The following RIC1 variants were observed in gnomAD, a reference collection of about 807,000 sequenced individuals.
RIC1 encodes guanine nucleotide exchange factor subunit RIC1.
In RIC1, 88 loss-of-function variants were observed where a neutral mutation model predicts 169.0. The ratio of observed to expected loss-of-function variants is 0.52; its 90% CI spans 0.44 to 0.62. The LOEUF (loss-of-function observed/expected upper bound fraction) is 0.62. Ranked by LOEUF, RIC1 falls within the 20% of genes least tolerant of loss-of-function variation. The probability of loss-of-function intolerance (pLI) is 0.00; values close to 1 mark genes in which losing one functional copy is unlikely to be tolerated. For missense variants in RIC1, 1,877 were observed against 1,725.5 expected (o/e 1.09, Z -1.56); for synonymous variants, 790 against 601.5 (o/e 1.31, Z -4.59).
chr9:5,739,861 A>AC, intron 8 of RIC1, among the ~76,000 whole-genome samples: 1 of 152,048 alleles, frequency 6.6e-6, no homozygotes, highest in East Asian at 1.9e-4. Context: ...GCAGGGTCCC[A>AC]TTTTTTTCCA....
intron 16 of RIC1, among the ~76,000 whole-genome samples, chr9:5,756,824 G>C (rs1300537824): frequency 6.6e-6 from 1 of 152,208 alleles, no homozygotes; most frequent in Non-Finnish European, 1.5e-5. Flanking sequence ...CAGTGTTGTT[G>C]CTGCTGCACG....
chr9:5,633,979 G>A (rs1400596092), intron 1 of RIC1, among the ~76,000 whole-genome samples: 3 of 152,038 alleles, frequency 2.0e-5, no homozygotes, highest in South Asian at 2.1e-4. Context: ...CCATATATGA[G>A]ATCATGAAGT....
chr9:5,701,424 C>A (rs1460252894), intron 3 of RIC1, among the ~76,000 whole-genome samples: 1 of 151,934 alleles, frequency 6.6e-6, no homozygotes, highest in African/African-American at 2.4e-5. Flanking sequence ...CCAGCCTGAC[C>A]AACATAGCAG....
chr9:5,744,911 T>G (rs1410863062), intron 10 of RIC1, among the ~76,000 whole-genome samples: 2 of 152,140 alleles, frequency 1.3e-5, no homozygotes, highest in Non-Finnish European at 2.9e-5. Flanking sequence ...TTGTCGCTTC[T>G]CTTCTCTCTT....
chr9:5,638,591 C>G (rs1818086706), intron 1 of RIC1, among the ~76,000 whole-genome samples: 1 of 152,150 alleles, frequency 6.6e-6, no homozygotes, highest in South Asian at 2.1e-4. Context: ...AGGGATTTAT[C>G]CATTTCCTCT....
Position 5,637,692 on chromosome 9 carries a change from A to G in RIC1, c.144+8239A>G, listed in dbSNP as rs564546016. ...ATTGTTTTGATTTGTAGATCCCACA[A>G]ATAAGTGAGAACATGCGATGTTTGT... is the stretch of plus-strand genomic sequence containing the variant. On this transcript the variant is annotated intron_variant, in intron 1 of 25. Coordinates refer to ENST00000414202, the MANE Select transcript of RIC1 (RefSeq NM_020829.4). Among the ~76,000 whole-genome samples the G allele has an allele frequency of 3.3e-5, 5 of 152,320 alleles. No individual in the cohort carries two copies. In the East Asian group the frequency reaches 7.7e-4, roughly 24 times the overall value.
chr9:5,724,956 TG>T (rs1194647242), intron 6 of RIC1, among the ~76,000 whole-genome samples: 1 of 152,232 alleles, frequency 6.6e-6, no homozygotes, highest in African/African-American at 2.4e-5. Flanking sequence ...GGATTCGGTT[TG>T]CCAGTATTTT....
intron 3 of RIC1, among the ~76,000 whole-genome samples, chr9:5,708,190 T>C (rs1822710399): frequency 6.6e-6 from 1 of 152,150 alleles, no homozygotes; most frequent in African/African-American, 2.4e-5. Flanking sequence ...CATCTCCCTC[T>C]CTCCCTTTTT....
rs1426435477 is a variant in RIC1 at position 5,753,555 on chromosome 9, T to C, written c.1511T>C (p.Leu504Pro). ...AAACAGTTTTCAGCTATTGATAAGC[T>C]TGGACAGAATATTGCTGTGGTTGGC... ...WPIRFSAIDK[L>P]GQNIAVVGKF... The change falls in exon 14 of 26, where the codon CTT (leucine) becomes CCT (proline). Residue 504 changes from leucine to proline, a missense_variant. Leu to Pro is a moderately conservative substitution (Grantham distance 98). Transcript: ENST00000414202. 1.9e-6 allele frequency: 3 copies of C among 1,606,854 alleles called. No individual in the cohort carries two copies. In the Admixed American group the frequency reaches 5.1e-5, roughly 27 times the overall value.
At chr9:5,646,580 C>A (rs1818525994) in intron 1 of RIC1, among the ~76,000 whole-genome samples, 1 of 152,078 alleles carries the variant, frequency 6.6e-6, no homozygotes, top group African/African-American at 2.4e-5. Flanking sequence ...AGGCTTGTAT[C>A]CTAGGAGCAA....
rs1827524804 is a variant in RIC1, at chr9:5,775,366, A to G, written c.*1120A>G. ...TGACTTAAATTTGTTTTCATACATT[A>G]TGAAAACAACTGCATACTCCTTAAT... On this transcript the variant is annotated 3_prime_UTR_variant, in exon 26 of 26. Transcript: ENST00000414202. 6.6e-6 allele frequency: 1 copy of G among 152,214 alleles called. No homozygotes were observed. The highest frequency in any genetic ancestry group is 6.5e-5 in the Admixed American group (1 of 15,280). 9.4% of individuals were successfully genotyped at this position (152,214 alleles called of 1,614,324 possible).
chr9:5,769,281 T>C (rs1435032565), intron 22 of RIC1, 25 bp downstream of exon 22: 1 of 1,613,996 alleles, frequency 6.2e-7, no homozygotes, highest in Admixed American at 1.7e-5. Flanking sequence ...ATGTCACTTG[T>C]ACAAGGAGAA....
chr9:5,747,604 A>G, intron 12 of RIC1, 99 bp downstream of exon 12: 1 of 1,082,050 alleles, frequency 9.2e-7, no homozygotes, highest in Non-Finnish European at 1.4e-6. Context: ...CAGGCAACTG[A>G]GAATCCTTTT....
Position 5,724,728 on chromosome 9 carries a change from C to A in RIC1, c.720+3978C>A, listed in dbSNP as rs146568619. Among the ~76,000 whole-genome samples, 42 of 152,230 alleles carry A rather than the reference C, an allele frequency of 2.8e-4. No homozygotes were observed. In the East Asian group the frequency reaches 7.7e-3, roughly 28 times the overall value. On this transcript the variant is annotated intron_variant, in intron 6 of 25. Transcript: ENST00000414202. ...TAGCTCTTATTATTTTGAGATACGT[C>A]CCATCAATACCTAGTTTATTGAGAC...
intron 1 of RIC1, among the ~76,000 whole-genome samples, chr9:5,656,098 C>T (rs1331788725): frequency 2.6e-5 from 4 of 151,788 alleles, no homozygotes; most frequent in Non-Finnish European, 5.9e-5. Context: ...TCTCCATCTC[C>T]TAACCTTGTG....
chr9:5,720,744 T>A lies in RIC1; in HGVS notation c.714T>A (p.Thr238=). Residue 238 remains threonine, a synonymous_variant, in exon 6 of 26, where the codon ACT becomes ACA. Transcript: ENST00000414202. The part of the protein sequence containing the change: ...GFITPVSSRF[T]AEQLHGVWPQ... ...TTACACCAGTGTCAAGTAGATTTAC[T>A]GCAGAGGTATGACTTATTTACTTTG... 6.2e-7 allele frequency: 1 copy of A among 1,604,406 alleles called. No homozygotes were observed. Among genetic ancestry groups the A allele is most frequent in the Admixed American group, 1.7e-5 (1 of 57,632 alleles).
chr9:5,747,609 C>A (rs937969837), intron 12 of RIC1, 104 bp downstream of exon 12: 2 of 1,012,786 alleles, frequency 2.0e-6, no homozygotes, highest in Admixed American at 2.1e-5. Context: ...AACTGAGAAT[C>A]CTTTTAACCA....
In RIC1 at chr9:5,776,219, T is replaced by C. The variant is rs1827575184; in HGVS notation, c.*1973T>C. 6.6e-6 allele frequency: 1 copy of C among 152,162 alleles called. No homozygotes were observed. 9.4% of individuals were successfully genotyped at this position (152,162 alleles called of 1,614,324 possible). A position where few individuals can be genotyped will look rare whatever the true frequency, so the allele number is the denominator to read the frequency against. ...TTATACAATATTCTTTTACAACTAA[T>C]AGAGATAGGAGGCCCCCAGGCAAGA... is the stretch of plus-strand genomic sequence containing the variant. On this transcript the variant is annotated 3_prime_UTR_variant, in exon 26 of 26. Coordinates refer to ENST00000414202, the MANE Select transcript of RIC1 (RefSeq NM_020829.4).
chr9:5,680,201 A>G (rs1030427970), intron 2 of RIC1, among the ~76,000 whole-genome samples: 1 of 152,178 alleles, frequency 6.6e-6, no homozygotes, highest in African/African-American at 2.4e-5. Flanking sequence ...CCACTTGATC[A>G]TGGTGGATAA....
Sources: gnomAD v4.1 joint callset for allele counts (sites outside exome capture counted in the v4.1 genomes callset) on GRCh38, gnomAD v4.1.1 for gene constraint, MANE v1.5 for transcripts, NCBI Gene and HGNC (gene_info 2026-07-23, HGNC 2026-07-21) for gene names.